GRPR: variants seen among roughly 807,000 people sequenced by gnomAD.
The protein encoded by GRPR is gastrin-releasing peptide receptor.
Under a neutral mutation model 15.6 loss-of-function variants are expected in GRPR, and 4 were observed. The observed-to-expected ratio is 0.26, with a 90% confidence interval of 0.13 to 0.59. GRPR has a LOEUF of 0.59. Ranked by LOEUF, GRPR falls within the 20% of genes least tolerant of loss-of-function variation. The pLI is 0.90. For synonymous variants in GRPR, 128 were observed against 126.8 expected (o/e 1.01, Z -0.06); for missense variants, 270 against 304.1 (o/e 0.89, Z 0.83).
At chrX:16,131,268 A>G (rs913743867) in intron 1 of GRPR, among the ~76,000 whole-genome samples, 2 of 111,478 alleles carry the variant, frequency 1.8e-5, no homozygotes, top group African/African-American at 6.5e-5. Flanking sequence ...TTCTCTCTTA[A>G]TTAAAACACA....
chrX:16,139,461 AT>A (rs57778436), intron 1 of GRPR, among the ~76,000 whole-genome samples: 3,855 of 103,278 alleles, frequency 0.037, 162 homozygotes, highest in African/African-American at 0.12. Flanking sequence ...TTTTTTTGAG[AT>A]TTTTTTTTTT....
At position 16,124,116 on chromosome X, in the gene GRPR, C is replaced by G; in HGVS notation, c.163C>G (p.Leu55Val). The change falls in exon 1 of 3, where the codon CTC becomes GTC. Residue 55 changes from leucine (L) to valine (V), a missense_variant. This residue lies in a region of GRPR where 115 missense variants were observed against 128.8 expected (regional missense o/e 0.89). Coordinates refer to ENST00000380289, the MANE Select transcript of GRPR (RefSeq NM_005314.3). ...TTATGGGGTTATCATTCTGATAGGC[C>G]TCATTGGCAACATCACTTTGATCAA... is the stretch of plus-strand genomic sequence containing the variant. ...AVYGVIILIGLIGNITLIKIF... is the reference protein window; with the variant it reads ...AVYGVIILIGVIGNITLIKIF... 8.3e-7 allele frequency: 1 copy of G among 1,208,017 alleles called. No homozygotes were observed. Among genetic ancestry groups the G allele is most frequent in the Non-Finnish European group, 1.1e-6 (1 of 892,145 alleles).
At chrX:16,135,633 TTGG>T (rs1256160660) in intron 1 of GRPR, among the ~76,000 whole-genome samples, 1 of 112,376 alleles carries the variant, frequency 8.9e-6, no homozygotes, top group Non-Finnish European at 1.9e-5. Context: ...TTTTTTCCGT[TTGG>T]TGGTGGTGAT....
At chrX:16,142,037 T>C (rs147889031) in intron 1 of GRPR, among the ~76,000 whole-genome samples, 1 of 111,928 alleles carries the variant, frequency 8.9e-6, no homozygotes, top group East Asian at 2.8e-4. Context: ...TGAAACAAAA[T>C]AGACAAAACC....
intron 1 of GRPR, among the ~76,000 whole-genome samples, chrX:16,140,347 C>A (rs1273718036): frequency 8.9e-6 from 1 of 111,779 alleles, no homozygotes; most frequent in Non-Finnish European, 1.9e-5. Context: ...CATTTTTATC[C>A]TTAATGATTT....
chrX:16,126,335 A>G (rs757024889), intron 1 of GRPR, among the ~76,000 whole-genome samples: 36 of 112,338 alleles, frequency 3.2e-4, no homozygotes, highest in Middle Eastern at 4.6e-3. Flanking sequence ...GTATTGAGCT[A>G]AATGATTAAG....
intron 1 of GRPR, among the ~76,000 whole-genome samples, chrX:16,149,271 G>A (rs765905998): frequency 2.7e-5 from 3 of 111,499 alleles, no homozygotes; most frequent in Non-Finnish European, 5.7e-5. Flanking sequence ...AGTCATCCTC[G>A]CTGGTGTAGA....
intron 1 of GRPR, among the ~76,000 whole-genome samples, chrX:16,128,679 G>A (rs1183447251): frequency 2.7e-5 from 3 of 111,431 alleles, no homozygotes; most frequent in African/African-American, 9.8e-5. Context: ...ATGGATAGAT[G>A]GCTGGCTAGC....
At chrX:16,140,310 T>C (rs2147033968) in intron 1 of GRPR, among the ~76,000 whole-genome samples, 1 of 112,899 alleles carries the variant, frequency 8.9e-6, no homozygotes, top group Admixed American at 9.3e-5. Context: ...AATGATAATG[T>C]ATTTTATTAT....
At position 16,124,041 on chromosome X, in the gene GRPR, G is replaced by A. The variant is rs1435303888; in HGVS notation, c.88G>A (p.Val30Met). The change falls in exon 1 of 3, where the codon GTG (valine) becomes ATG (methionine). Residue 30 changes from valine to methionine, a missense_variant. Coordinates refer to ENST00000380289, the MANE Select transcript of GRPR (RefSeq NM_005314.3). Reference sequence around the variant, plus strand: ...CTCCAGTCACAGTGCGGATCTCCCCGTGAACGATGACTGGTCCCACCCGGG... The same window carrying A: ...CTCCAGTCACAGTGCGGATCTCCCCATGAACGATGACTGGTCCCACCCGGG... ...NISSHSADLPVNDDWSHPGIL... is the reference protein window; with the variant it reads ...NISSHSADLPMNDDWSHPGIL... The A allele has an allele frequency of 5.8e-6, 7 of 1,203,679 alleles. No homozygotes were observed. Among genetic ancestry groups the A allele is most frequent in the Admixed American group, 4.4e-5 (2 of 45,760 alleles).
At position 16,152,855 on chromosome X, in the gene GRPR, G is replaced by A. The variant is rs887045076; in HGVS notation, c.*210G>A. 1.4e-5 allele frequency: 6 copies of A among 428,644 alleles called. No individual in the cohort carries two copies. Among genetic ancestry groups the A allele is most frequent in the East Asian group, 7.5e-5 (2 of 26,525 alleles). The allele number at this position is 428,644 out of a possible 1,213,427, so 35.3% of individuals were successfully genotyped here. A position where few individuals can be genotyped will look rare whatever the true frequency, so the allele number is the denominator to read the frequency against. On this transcript the variant is annotated 3_prime_UTR_variant, in exon 3 of 3. Transcript: ENST00000380289. ...AAGTTTTTCATTTCAACTTGTGAAC[G>A]TTTCTTCTGATGTGAAGCAAACCTT...
intron 1 of GRPR, among the ~76,000 whole-genome samples, chrX:16,134,006 T>G (rs1274497153): frequency 8.9e-6 from 1 of 112,125 alleles, no homozygotes; most frequent in African/African-American, 3.2e-5. Context: ...ATAAATAGAA[T>G]AACTACAGGT....
In GRPR at chrX:16,150,046, G is replaced by A. The variant is rs753493187; in HGVS notation, c.414-259G>A. 1.5e-4 allele frequency among the ~76,000 whole-genome samples: 17 copies of A among 110,332 alleles called. No homozygotes were observed. In the South Asian group the frequency reaches 6.7e-3, roughly 44 times the overall value. ...ATTAAGACAAAAAGAGAATATAAGCGGAATGGTACTTGTGGAGAGAAGAGA... is the reference window on the plus strand; with the variant it reads ...ATTAAGACAAAAAGAGAATATAAGCAGAATGGTACTTGTGGAGAGAAGAGA... On this transcript the variant is annotated intron_variant, in intron 1 of 2. Coordinates refer to ENST00000380289, the MANE Select transcript of GRPR (RefSeq NM_005314.3).
chrX:16,151,084 A>G (rs770653807), intron 2 of GRPR, among the ~76,000 whole-genome samples: 1 of 111,904 alleles, frequency 8.9e-6, no homozygotes, highest in South Asian at 3.8e-4. Context: ...TAGTTTGATT[A>G]GGATAGGCTC....
In GRPR at chrX:16,123,946, A is replaced by G. The variant is rs1192161823; in HGVS notation, c.-8A>G. ...AGGGAACTTTTAGGTGGGAAAAAAA[A>G]TCTAGAGATGGCTCTAAATGACTGT... is the stretch of plus-strand genomic sequence containing the variant. On this transcript the variant is annotated 5_prime_UTR_variant, in exon 1 of 3. Transcript: ENST00000380289. 1 of 1,204,544 alleles carries G rather than the reference A, an allele frequency of 8.3e-7. No individual in the cohort carries two copies. Among genetic ancestry groups the G allele is most frequent in the East Asian group, 3.0e-5 (1 of 33,774 alleles).
chrX:16,129,480 T>C (rs1265302132), intron 1 of GRPR, among the ~76,000 whole-genome samples: 1 of 111,976 alleles, frequency 8.9e-6, no homozygotes, highest in East Asian at 2.8e-4. Context: ...CAGAGGGCTC[T>C]ATTGGACAGT....
intron 1 of GRPR, among the ~76,000 whole-genome samples, chrX:16,126,622 C>G (rs1411146895): frequency 8.9e-6 from 1 of 112,068 alleles, no homozygotes. Context: ...CAGAGGCAAT[C>G]ACTATTCTGA....
chrX:16,124,115 C>A lies in GRPR; in HGVS notation c.162C>A (p.Gly54=), dbSNP rs770651213. Reference sequence around the variant, plus strand: ...TTTATGGGGTTATCATTCTGATAGGCCTCATTGGCAACATCACTTTGATCA... The same window carrying A: ...TTTATGGGGTTATCATTCTGATAGGACTCATTGGCAACATCACTTTGATCA... ...PAVYGVIILI[G]LIGNITLIKI... Residue 54 remains glycine (G), a synonymous_variant, in exon 1 of 3, where the codon GGC becomes GGA. Coordinates refer to ENST00000380289, the MANE Select transcript of GRPR (RefSeq NM_005314.3). 9.1e-6 allele frequency: 11 copies of A among 1,205,637 alleles called. No homozygotes were observed. The East Asian group carries it at 3.0e-4, about 32-fold the overall frequency.
intron 1 of GRPR, among the ~76,000 whole-genome samples, chrX:16,132,354 A>G (rs751987708): frequency 1.8e-5 from 2 of 112,257 alleles, no homozygotes; most frequent in Admixed American, 1.9e-4. Context: ...TGACTACAAA[A>G]TTAGGGAGAG....
Sources: allele counts gnomAD v4.1 joint callset (sites outside exome capture counted in the v4.1 genomes callset), GRCh38; gene constraint gnomAD v4.1.1; regional missense constraint gnomAD v4.1.1; transcripts MANE v1.5; gene names NCBI Gene and HGNC (gene_info 2026-07-23, HGNC 2026-07-21).